The following VCAN variants were observed in gnomAD, a reference collection of about 807,000 sequenced individuals.
VCAN encodes versican core protein.
A neutral mutation model predicts 245.5 loss-of-function variants in VCAN; 44 were observed. That is an observed-to-expected ratio of 0.18 (90% CI 0.14 to 0.23). The LOEUF is 0.23. VCAN is among the 10% of genes least tolerant of loss of function. VCAN has a pLI of 1.00. For synonymous variants in VCAN, 1,413 were observed against 1,437.0 expected (o/e 0.98, Z 0.38); for missense variants, 3,793 against 4,057.9 (o/e 0.93, Z 1.77).
Position 83,541,150 on chromosome 5 carries a change from T to G in VCAN, c.8147T>G (p.Leu2716Arg). ...GGAATAAAAGCTGAAGCAAAAGCCC[T>G]GGATGACATGTTTGAATCAAGCACT... The part of the protein sequence containing the change: ...IEGIKAEAKA[L>R]DDMFESSTLS... Residue 2716 changes from leucine (L) to arginine (R), a missense_variant, in exon 8 of 15, where the codon CTG becomes CGG. Leu to Arg is a moderately radical substitution (Grantham distance 102, BLOSUM62 -2). Around this residue, in one of 5 missense-constraint regions of VCAN, gnomAD observed 3,182 missense variants for 3,250.3 expected, o/e 0.98. Coordinates refer to ENST00000265077, the MANE Select transcript of VCAN (RefSeq NM_004385.5). The G allele has an allele frequency of 6.2e-7, 1 of 1,614,098 alleles. No homozygotes were observed. The highest frequency in any genetic ancestry group is 8.5e-7 in the Non-Finnish European group (1 of 1,179,998).
At chr5:83,498,884 G>T (rs1561232578) in intron 5 of VCAN, among the ~76,000 whole-genome samples, 1 of 152,128 alleles carries the variant, frequency 6.6e-6, no homozygotes, top group Non-Finnish European at 1.5e-5. Context: ...ACTTAACGTT[G>T]TGTGTTGGTT....
Position 83,520,235 on chromosome 5 carries a change from A to G in VCAN, c.1929A>G (p.Thr643=). The G allele has an allele frequency of 6.2e-7, 1 of 1,613,984 alleles. No homozygotes were observed. The highest frequency in any genetic ancestry group is 8.5e-7 in the Non-Finnish European group (1 of 1,179,940). ...EEFLGKYLST[T]PFPSQHRTEI... Reference sequence around the variant, plus strand: ...TTCTTGGCAAATATCTGTCTACTACACCTTTTCCATCACAGCATCGTACAG... The same window carrying G: ...TTCTTGGCAAATATCTGTCTACTACGCCTTTTCCATCACAGCATCGTACAG... The change falls in exon 7 of 15, where the codon ACA becomes ACG. Residue 643 remains threonine, a synonymous_variant. Coordinates refer to ENST00000265077, the MANE Select transcript of VCAN (RefSeq NM_004385.5).
At chr5:83,513,743 C>A (rs1745747592) in intron 6 of VCAN, among the ~76,000 whole-genome samples, 1 of 152,138 alleles carries the variant, frequency 6.6e-6, no homozygotes, top group Non-Finnish European at 1.5e-5. Flanking sequence ...GATGTACATT[C>A]CTTTAAGCTA....
intron 12 of VCAN, among the ~76,000 whole-genome samples, chr5:83,566,236 T>C (rs980836397): frequency 2.6e-5 from 4 of 152,090 alleles, no homozygotes; most frequent in Non-Finnish European, 5.9e-5. Context: ...GCTGGGATTG[T>C]AGTCGTGAGC....
At chr5:83,499,041 C>G (rs921134284) in intron 5 of VCAN, among the ~76,000 whole-genome samples, 1 of 152,000 alleles carries the variant, frequency 6.6e-6, no homozygotes, top group African/African-American at 2.4e-5. Flanking sequence ...TTTGCTTGCT[C>G]CTGCTTGCAA....
chr5:83,502,697 A>G (rs867240566), intron 5 of VCAN, among the ~76,000 whole-genome samples: 39 of 152,224 alleles, frequency 2.6e-4, no homozygotes, highest in African/African-American at 8.0e-4. Flanking sequence ...GCATTTTCAA[A>G]TGAATATAAT....
chr5:83,485,871 C>T (rs1006421075), intron 2 of VCAN, among the ~76,000 whole-genome samples: 3 of 152,022 alleles, frequency 2.0e-5, no homozygotes, highest in Non-Finnish European at 2.9e-5. Context: ...AGGCCAAGGT[C>T]GGAGGAGTGA....
In VCAN at chr5:83,521,730, AC is replaced by A. The variant is rs1451165395; in HGVS notation, c.3425del (p.Thr1142LysfsTer13). 1 of 1,613,956 alleles carries A rather than the reference AC, an allele frequency of 6.2e-7. No individual in the cohort carries two copies. Among genetic ancestry groups the A allele is most frequent in the Non-Finnish European group, 8.5e-7 (1 of 1,180,016 alleles). On this transcript the variant is annotated frameshift_variant, in exon 7 of 15. Coordinates refer to ENST00000265077, the MANE Select transcript of VCAN (RefSeq NM_004385.5). LOFTEE classifies it high-confidence loss of function. ...LSPGPEQKYE[T>X]EGSSTTGFTS... ...TCCAGGGCCTGAACAAAAATATGAA[AC>A]AGAAGGTAGTAGTACAACAGGATTT...
In VCAN at chr5:83,522,105, G is replaced by A. The variant is rs1301378475; in HGVS notation, c.3799G>A (p.Val1267Ile). ...TCCTCCCACTACCCTTGAAGATATT[G>A]TAGCCAAGGAAACAGAAACCGATAT... ...HVPPTTLEDI[V>I]AKETETDIDR... The change falls in exon 7 of 15, where the codon GTA (valine) becomes ATA (isoleucine). Residue 1267 changes from valine (V) to isoleucine (I), a missense_variant. By Grantham distance (29) the Val-to-Ile change is conservative. This residue lies in a region of VCAN where 3,182 missense variants were observed against 3,250.3 expected (regional missense o/e 0.98). Coordinates refer to ENST00000265077, the MANE Select transcript of VCAN (RefSeq NM_004385.5). 6.2e-7 allele frequency: 1 copy of A among 1,614,118 alleles called. No individual in the cohort carries two copies. The highest frequency in any genetic ancestry group is 2.2e-5 in the East Asian group (1 of 44,880).
Position 83,538,053 on chromosome 5 carries a change from G to A in VCAN, c.5050G>A (p.Val1684Ile), listed in dbSNP as rs1235452922. The change falls in exon 8 of 15, where the codon GTT (valine) becomes ATT (isoleucine). Residue 1684 changes from valine (V) to isoleucine (I), a missense_variant. Transcript: ENST00000265077. Reference sequence around the variant, plus strand: ...GATAATCACAGAAAGCTTTTTTGAGGTTCCTGCAACCACCATTTATCCAGT... The same window carrying A: ...GATAATCACAGAAAGCTTTTTTGAGATTCCTGCAACCACCATTTATCCAGT... ...SRIITESFFE[V>I]PATTIYPVSE... The A allele has an allele frequency of 6.2e-7, 1 of 1,613,882 alleles. No individual in the cohort carries two copies. The highest frequency in any genetic ancestry group is 2.2e-5 in the East Asian group (1 of 44,870).
intron 1 of VCAN, among the ~76,000 whole-genome samples, chr5:83,473,686 A>C (rs1744282665): frequency 6.6e-6 from 1 of 152,158 alleles, no homozygotes; most frequent in Non-Finnish European, 1.5e-5. Context: ...CAGAACCTAG[A>C]TGTCTAGGAA....
chr5:83,537,840 T>C lies in VCAN; in HGVS notation c.4837T>C (p.Leu1613=). ...AGGAAATCCTTGGCCAGATGACCTG[T>C]TGTCTACCAAAGAAAGCTGGGTAGA... ...LIGNPWPDDL[L]STKESWVEAT... Residue 1613 remains leucine (L), a synonymous_variant, in exon 8 of 15, where the codon TTG becomes CTG. Coordinates refer to ENST00000265077, the MANE Select transcript of VCAN (RefSeq NM_004385.5). 2 of 1,614,012 alleles carry C rather than the reference T, an allele frequency of 1.2e-6. No homozygotes were observed. Among genetic ancestry groups the C allele is most frequent in the Non-Finnish European group, 1.7e-6 (2 of 1,179,944 alleles).
intron 8 of VCAN, among the ~76,000 whole-genome samples, chr5:83,544,174 C>T (rs943185507): frequency 2.3e-4 from 35 of 152,204 alleles, no homozygotes; most frequent in African/African-American, 7.2e-4. Flanking sequence ...ATCCTGGCAG[C>T]GAGCGTACTT....
At chr5:83,545,787 C>A in intron 9 of VCAN, 137 bp downstream of exon 9, 1 of 781,516 alleles carries the variant, frequency 1.3e-6, no homozygotes, top group South Asian at 1.5e-5. Flanking sequence ...AAGTTAAAAT[C>A]TGAGGGTAAT....
At chr5:83,563,622 T>C (rs1317698832) in intron 12 of VCAN, among the ~76,000 whole-genome samples, 1 of 152,138 alleles carries the variant, frequency 6.6e-6, no homozygotes, top group Non-Finnish European at 1.5e-5. Context: ...TGTTTTCTGT[T>C]TGGAATTTGC....
intron 7 of VCAN, among the ~76,000 whole-genome samples, chr5:83,528,359 C>T (rs1746381245): frequency 6.6e-6 from 1 of 152,108 alleles, no homozygotes; most frequent in Non-Finnish European, 1.5e-5. Flanking sequence ...CTTAGGCTCA[C>T]CAGTGGGGTT....
At chr5:83,504,055 T>C (rs1745409802) in intron 5 of VCAN, among the ~76,000 whole-genome samples, 1 of 152,218 alleles carries the variant, frequency 6.6e-6, no homozygotes, top group African/African-American at 2.4e-5. Context: ...GTCCACTTTC[T>C]AGGGAGTCTT....
rs776888915 is a variant in VCAN, at chr5:83,540,461, A to G, written c.7458A>G (p.Ser2486=). The G allele has an allele frequency of 1.2e-6, 2 of 1,614,030 alleles. No individual in the cohort carries two copies. Among genetic ancestry groups the G allele is most frequent in the Non-Finnish European group, 1.7e-6 (2 of 1,179,942 alleles). The part of the protein sequence containing the change: ...AVTADGFPTV[S]VMLPLHSEQN... ...CTGCTGATGGATTCCCAACAGTTTC[A>G]GTGATGCTGCCTCTTCATTCAGAGC... The change falls in exon 8 of 15, where the codon TCA becomes TCG. Residue 2486 remains serine (S), a synonymous_variant. Coordinates refer to ENST00000265077, the MANE Select transcript of VCAN (RefSeq NM_004385.5).
chr5:83,543,373 G>T (rs547203863), intron 8 of VCAN, among the ~76,000 whole-genome samples: 1 of 152,220 alleles, frequency 6.6e-6, no homozygotes, highest in Non-Finnish European at 1.5e-5. Flanking sequence ...TGTCTGTCTT[G>T]GTTGAGAATA....
Sources: allele counts gnomAD v4.1 joint callset (sites outside exome capture counted in the v4.1 genomes callset), GRCh38; gene constraint gnomAD v4.1.1; regional missense constraint gnomAD v4.1.1; transcripts MANE v1.5; gene names NCBI Gene and HGNC (gene_info 2026-07-23, HGNC 2026-07-21).